Variants in QARS1 observed in about 807,000 individuals in gnomAD.
The protein encoded by QARS1 is glutaminyl-tRNA synthetase 1, also known as glutamine--tRNA ligase.
Under a neutral mutation model 106.9 loss-of-function variants are expected in QARS1, and 79 were observed. The ratio of observed to expected loss-of-function variants is 0.74; its 90% CI spans 0.62 to 0.89. The LOEUF is 0.89. QARS1 is among the 40% of genes least tolerant of loss of function. QARS1 has a pLI of 0.00. For synonymous variants in QARS1, 395 were observed against 367.7 expected (o/e 1.07, Z -0.85); for missense variants, 966 against 997.2 (o/e 0.97, Z 0.42).
rs934423794 is a variant in QARS1 at position 49,102,736 on chromosome 3, G to T, written c.517-264C>A. ...CGCTCACTGCAACCTCCGCCTCCTG[G>T]ATTCAAGCGATTTTCCTACCTCAGC... On this transcript the variant is annotated intron_variant, in intron 5 of 23. Coordinates refer to ENST00000306125, the MANE Select transcript of QARS1 (RefSeq NM_005051.3). The T allele has an allele frequency of 5.6e-6, 3 of 534,930 alleles. No individual in the cohort carries two copies. The African/African-American group carries it at 5.7e-5, about 10-fold the overall frequency. 33.1% of individuals were successfully genotyped at this position (534,930 alleles called of 1,614,324 possible).
Position 49,100,012 on chromosome 3 carries a change from G to T in QARS1, c.1244C>A (p.Pro415His). The T allele has an allele frequency of 6.2e-7, 1 of 1,614,202 alleles. No individual in the cohort carries two copies. The highest frequency in any genetic ancestry group is 1.1e-5 in the South Asian group (1 of 91,090). The change falls in exon 14 of 24, where the codon CCT becomes CAT. Residue 415 changes from proline to histidine, a missense_variant. Physicochemically the swap from Pro to His is moderately conservative, Grantham distance 77. Coordinates refer to ENST00000306125, the MANE Select transcript of QARS1 (RefSeq NM_005051.3). ...KLVMEDGKMD[P>H]VAYRVKYTPH... ...TGTATACTTGACTCGATAGGCTACA[G>T]GGTCCATCTTGCCATCCTCCATCAC... is the stretch of plus-strand genomic sequence containing the variant.
At chr3:49,098,751 C>T in intron 19 of QARS1, 59 bp from the exon 20 acceptor site, 1 of 1,510,308 alleles carries the variant, frequency 6.6e-7, no homozygotes, top group Middle Eastern at 2.3e-4. Flanking sequence ...AGTGGGGAAG[C>T]TTCCCTACCC....
In QARS1 at chr3:49,099,370, C is replaced by G. The variant is rs768134087; in HGVS notation, c.1588G>C (p.Glu530Gln). The change falls in exon 17 of 24, where the codon GAG becomes CAG. Residue 530 changes from glutamate to glutamine, a missense_variant. Coordinates refer to ENST00000306125, the MANE Select transcript of QARS1 (RefSeq NM_005051.3). ...CGGGCACAGAAGTTGTTGATGGCCT[C>G]AGGTGGGAAGCCCCGCCGTCGCAGG... ...TALRRRGFPP[E>Q]AINNFCARVG... 1 of 1,614,178 alleles carries G rather than the reference C, an allele frequency of 6.2e-7. No individual in the cohort carries two copies. The highest frequency in any genetic ancestry group is 8.5e-7 in the Non-Finnish European group (1 of 1,180,008).
chr3:49,104,198 T>A, intron 2 of QARS1, 126 bp downstream of exon 2: 2 of 1,405,290 alleles, frequency 1.4e-6, no homozygotes, highest in East Asian at 4.6e-5. Flanking sequence ...ACCCCTTCCA[T>A]GCCTCAGTGC....
chr3:49,098,794 AG>A (rs905442241), intron 19 of QARS1, 90 bp downstream of exon 19: 36 of 1,499,546 alleles, frequency 2.4e-5, no homozygotes, highest in Non-Finnish European at 3.2e-5. Context: ...CATCTGAAGC[AG>A]GAAGTAGATG....
chr3:49,100,169 G>T, intron 13 of QARS1, 21 bp downstream of exon 13: 4 of 1,614,202 alleles, frequency 2.5e-6, no homozygotes, highest in Non-Finnish European at 3.4e-6. Context: ...CCCAAACCCA[G>T]ATGCTCCTCT....
chr3:49,102,518 A>AAAG, intron 5 of QARS1, 46 bp from the exon 6 acceptor site: 3 of 1,608,768 alleles, frequency 1.9e-6, no homozygotes, highest in Non-Finnish European at 2.6e-6. Flanking sequence ...ATCCTCTTTC[A>AAAG]AGGAGCCCCT....
rs1488099449 is a variant in QARS1 at position 49,098,042 on chromosome 3, A to G, written c.2227T>C (p.Phe743Leu). Residue 743 changes from phenylalanine to leucine, a missense_variant, in exon 23 of 24, where the codon TTT becomes CTT. Transcript: ENST00000306125. ...ACGGAGAAATATCCAAGACGCTCAAACTGGAACTTGTCGAAGGGTTTTGCC... is the reference window on the plus strand; with the variant it reads ...ACGGAGAAATATCCAAGACGCTCAAGCTGGAACTTGTCGAAGGGTTTTGCC... Reference protein sequence around the residue: ...ALAKPFDKFQFERLGYFSVDP... With the variant: ...ALAKPFDKFQLERLGYFSVDP... The G allele has an allele frequency of 3.7e-6, 6 of 1,614,170 alleles. No individual in the cohort carries two copies. Among genetic ancestry groups the G allele is most frequent in the Non-Finnish European group, 4.2e-6 (5 of 1,180,022 alleles).
intron 7 of QARS1, 57 bp downstream of exon 7, chr3:49,102,148 G>T: frequency 6.2e-7 from 1 of 1,607,330 alleles, no homozygotes; most frequent in South Asian, 1.1e-5. Flanking sequence ...GGACTCTTCT[G>T]AGGAGGTTCA....
At chr3:49,096,643 A>T (rs1195540284) in intron 23 of QARS1, among the ~76,000 whole-genome samples, 2 of 151,770 alleles carry the variant, frequency 1.3e-5, no homozygotes, top group Non-Finnish European at 1.5e-5. Flanking sequence ...ACTAAAAAAT[A>T]GAAAAAATTA....
rs1451089279 is a variant in QARS1 at position 49,101,684 on chromosome 3, C to A, written c.725G>T (p.Gly242Val). The A allele has an allele frequency of 6.2e-7, 1 of 1,613,978 alleles. No homozygotes were observed. Among genetic ancestry groups the A allele is most frequent in the African/African-American group, 1.3e-5 (1 of 74,908 alleles). ...HKPGENYKTP[G>V]YVVTPHTMNL... ...CATGGTGTGTGGAGTGACCACATAG[C>A]CTGGGGTCTTGTAGTTCTCACCTGC... is the stretch of plus-strand genomic sequence containing the variant. The change falls in exon 9 of 24, where the codon GGC becomes GTC. Residue 242 changes from glycine to valine, a missense_variant. Physicochemically the swap from Gly to Val is moderately radical, Grantham distance 109. Transcript: ENST00000306125.
rs758004160 is a variant in QARS1, at chr3:49,098,893, A to C, written c.1855T>G (p.Phe619Val). The part of the protein sequence containing the change: ...APIVFIERTD[F>V]KEEPEPGFKR... ...CCACCCCCACAATTTACCTCCTTGA[A>C]GTCAGTCCTCTCAATGAAGACAATG... The change falls in exon 19 of 24, where the codon TTC (phenylalanine) becomes GTC (valine). Residue 619 changes from phenylalanine to valine, a missense_variant. Phe to Val is a conservative substitution (Grantham distance 50). Coordinates refer to ENST00000306125, the MANE Select transcript of QARS1 (RefSeq NM_005051.3). The C allele has an allele frequency of 1.2e-6, 2 of 1,612,074 alleles. No individual in the cohort carries two copies.
Position 49,098,582 on chromosome 3 carries a change from G to C in QARS1, c.1956+18C>G. On this transcript the variant is annotated intron_variant, in intron 20 of 23. Transcript: ENST00000306125. The stretch of plus-strand genomic sequence containing the variant: ...CCCCAGCAGGCACTGCAGTAGGAAG[G>C]CTGCAGCTGGCTCTCACCTTGACAA... 6.2e-7 allele frequency: 1 copy of C among 1,606,996 alleles called. No individual in the cohort carries two copies. The highest frequency in any genetic ancestry group is 2.2e-5 in the East Asian group (1 of 44,780).
rs928230395 is a variant in QARS1, at chr3:49,101,964, C to G, written c.632-65G>C. 17 of 1,520,802 alleles carry G rather than the reference C, an allele frequency of 1.1e-5. 1 individual carries two copies. The Middle Eastern group carries it at 5.2e-4, about 46-fold the overall frequency. 94.2% of individuals were successfully genotyped at this position (1,520,802 alleles called of 1,614,324 possible). On this transcript the variant is annotated intron_variant, in intron 7 of 23. Transcript: ENST00000306125. ...CATTTACCATATCCTACAGCCAGAA[C>G]AGAACTGAGTAGACCCCTATTCCCT...
intron 23 of QARS1, 52 bp from the exon 24 acceptor site, chr3:49,096,131 G>A (rs773243385): frequency 8.8e-6 from 14 of 1,596,208 alleles, no homozygotes; most frequent in South Asian, 3.3e-5. Flanking sequence ...AGGCCAGGGA[G>A]GCCTGGGCAG....
chr3:49,101,400 A>G lies in QARS1; in HGVS notation c.831T>C (p.His277=), dbSNP rs761405293. 3.1e-6 allele frequency: 5 copies of G among 1,614,148 alleles called. No individual in the cohort carries two copies. Among genetic ancestry groups the G allele is most frequent in the Non-Finnish European group, 3.4e-6 (4 of 1,179,990 alleles). ...RFPPEPNGIL[H]IGHAKAINFN... ...AATTGATGGCTTTGGCATGTCCAATATGCAGGATTCCATTGGGTTCTGGCG... is the reference window on the plus strand; with the variant it reads ...AATTGATGGCTTTGGCATGTCCAATGTGCAGGATTCCATTGGGTTCTGGCG... Residue 277 remains histidine (H), a synonymous_variant, in exon 10 of 24, where the codon CAT becomes CAC. Transcript: ENST00000306125.
At chr3:49,100,826 C>T (rs2042461102) in intron 10 of QARS1, 152 bp from the exon 11 acceptor site, 2 of 730,836 alleles carry the variant, frequency 2.7e-6, no homozygotes. Flanking sequence ...TCTTGGCTCA[C>T]TGCAGCCTCC....
Position 49,102,538 on chromosome 3 carries a change from T to C in QARS1, c.517-66A>G. ...CTTTCAAGGAGCCCCTGACTGATCC[T>C]ACCCACCAACCCAAGGCTTCCTGGC... On this transcript the variant is annotated intron_variant, in intron 5 of 23. Transcript: ENST00000306125. 4.5e-6 allele frequency: 7 copies of C among 1,571,586 alleles called. No homozygotes were observed. The South Asian group carries it at 7.8e-5, about 18-fold the overall frequency.
chr3:49,101,304 G>A (rs2042467058), intron 10 of QARS1, 51 bp downstream of exon 10: 1 of 1,395,780 alleles, frequency 7.2e-7, no homozygotes, highest in Non-Finnish European at 1.0e-6. Flanking sequence ...ATCCACTCAT[G>A]GGAACAGCAA....
Sources: gnomAD v4.1 joint callset for allele counts (sites outside exome capture counted in the v4.1 genomes callset) on GRCh38, gnomAD v4.1.1 for gene constraint, MANE v1.5 for transcripts, NCBI Gene and HGNC (gene_info 2026-07-23, HGNC 2026-07-21) for gene names.